Variants in MSRA observed in about 807,000 individuals in gnomAD.
MSRA encodes the protein mitochondrial peptide methionine sulfoxide reductase.
A neutral mutation model predicts 31.3 loss-of-function variants in MSRA; 54 were observed. The observed-to-expected ratio is 1.73, with a 90% CI of 1.39 to 2.17. The LOEUF (loss-of-function observed/expected upper bound fraction) is 2.17, where lower values mean the gene tolerates loss of function less well. MSRA is among the 30% of genes most tolerant of loss of function. The pLI is 0.00. For synonymous variants in MSRA, 169 were observed against 116.5 expected, an observed-to-expected ratio of 1.45 and a Z score of -2.90; for missense variants, 507 against 300.9, an observed-to-expected ratio of 1.69 and a Z score of -5.07.
chr8:10,220,252 T>G (rs1027600311), intron 2 of MSRA, among the ~76,000 whole-genome samples: 1 of 152,360 alleles, frequency 6.6e-6, no homozygotes, highest in Non-Finnish European at 1.5e-5. Context: ...CAAGTTTCCT[T>G]GCTGAGCTCA....
chr8:10,083,073 C>T (rs78019203), intron 1 of MSRA, among the ~76,000 whole-genome samples: 2,354 of 151,596 alleles, frequency 0.016, 24 homozygotes, highest in Non-Finnish European at 0.021. Context: ...CGTAACCATA[C>T]TTACATTCTT....
chr8:10,254,258 C>T (rs1798064913), intron 3 of MSRA, among the ~76,000 whole-genome samples: 2 of 152,216 alleles, frequency 1.3e-5, no homozygotes, highest in African/African-American at 4.8e-5. Flanking sequence ...CACCTACCCA[C>T]AACGTGTTTT....
intron 1 of MSRA, among the ~76,000 whole-genome samples, chr8:10,124,313 G>A (rs1055910340): frequency 2.0e-5 from 3 of 152,182 alleles, no homozygotes; most frequent in African/African-American, 7.2e-5. Flanking sequence ...AGTGAGTGTG[G>A]TATAATGGCA....
intron 3 of MSRA, among the ~76,000 whole-genome samples, chr8:10,292,321 A>T (rs1287521027): frequency 6.6e-6 from 1 of 152,194 alleles, no homozygotes; most frequent in African/African-American, 2.4e-5. Context: ...ATACGTCTTT[A>T]TTAACATCAC....
At chr8:10,394,369 C>A (rs1044962928) in intron 5 of MSRA, among the ~76,000 whole-genome samples, 2 of 152,206 alleles carry the variant, frequency 1.3e-5, no homozygotes, top group Non-Finnish European at 2.9e-5. Context: ...GTTCCCTAGC[C>A]ACCCCACCCC....
At chr8:10,251,873 G>GA (rs1797937025) in intron 3 of MSRA, among the ~76,000 whole-genome samples, 1 of 150,952 alleles carries the variant, frequency 6.6e-6, no homozygotes, top group Admixed American at 6.6e-5. Flanking sequence ...GGGGGGGGGG[G>GA]ACATAGGTCA....
intron 5 of MSRA, among the ~76,000 whole-genome samples, chr8:10,364,303 T>C (rs551912237): frequency 2.6e-5 from 4 of 152,320 alleles, no homozygotes; most frequent in Middle Eastern, 3.4e-3. Flanking sequence ...TGTTGCTGTT[T>C]TGCAGAATCA....
chr8:10,084,632 T>A (rs1350490702), intron 1 of MSRA, among the ~76,000 whole-genome samples: 18 of 152,204 alleles, frequency 1.2e-4, no homozygotes, highest in Admixed American at 1.1e-3. Flanking sequence ...TGCCTTAGTT[T>A]CCTAGGGTGA....
intron 3 of MSRA, among the ~76,000 whole-genome samples, chr8:10,297,041 G>A (rs1389791232): frequency 1.3e-5 from 2 of 152,184 alleles, no homozygotes; most frequent in African/African-American, 4.8e-5. Flanking sequence ...CCACGGATAG[G>A]AAGCTGTGCT....
rs201089511 is a variant in MSRA, at chr8:10,128,019, AGAG to A, written c.142+73365_142+73367del. ...ACCTGTGACCGTGGTGCATTTCCAG[AGAG>A]GAGAACTGCGGATCTTGTGCATTCT... On this transcript the variant is annotated intron_variant, in intron 1 of 5. Coordinates refer to ENST00000317173, the MANE Select transcript of MSRA (RefSeq NM_012331.5). 8.7e-3 allele frequency among the ~76,000 whole-genome samples: 1,331 copies of A among 152,200 alleles called. 65 individuals carry two copies. The highest frequency in any genetic ancestry group is 0.079 in the Admixed American group (1,213 of 15,276).
intron 5 of MSRA, among the ~76,000 whole-genome samples, chr8:10,341,887 C>T (rs778050224): frequency 2.0e-5 from 3 of 152,152 alleles, no homozygotes; most frequent in East Asian, 1.9e-4. Context: ...AGGCATGGCT[C>T]GGGACAGTGC....
chr8:10,296,641 T>A (rs1318806403), intron 3 of MSRA, among the ~76,000 whole-genome samples: 2 of 152,144 alleles, frequency 1.3e-5, no homozygotes, highest in Admixed American at 1.3e-4. Flanking sequence ...GAGACTTAAG[T>A]CCCATGTGCC....
chr8:10,097,461 C>T (rs1012779259), intron 1 of MSRA, among the ~76,000 whole-genome samples: 1 of 152,136 alleles, frequency 6.6e-6, no homozygotes, highest in Non-Finnish European at 1.5e-5. Flanking sequence ...CAGGATCATT[C>T]ATGCTTATAC....
intron 1 of MSRA, among the ~76,000 whole-genome samples, chr8:10,093,240 G>A (rs150704087): frequency 2.2e-4 from 33 of 152,086 alleles, no homozygotes; most frequent in South Asian, 4.2e-4. Flanking sequence ...TATATTCTAC[G>A]TATCTTTGTC....
At chr8:10,289,686 C>T (rs1241512546) in intron 3 of MSRA, among the ~76,000 whole-genome samples, 1 of 151,970 alleles carries the variant, frequency 6.6e-6, no homozygotes, top group Admixed American at 6.5e-5. Flanking sequence ...TTTCAAAGAC[C>T]CCTTCTATTA....
rs376156936 is a variant in MSRA at position 10,407,172 on chromosome 8, C to T, written c.544-20976C>T. On this transcript the variant is annotated intron_variant, in intron 5 of 5. Transcript: ENST00000317173. ...GAGTGTAGGCAGAAGCCACCATGCC[C>T]AGCCTAGACTATGTGACATTTTCTT... Among the ~76,000 whole-genome samples, 48 of 152,352 alleles carry T rather than the reference C, an allele frequency of 3.2e-4. No individual in the cohort carries two copies. In the South Asian group the frequency reaches 8.7e-3, roughly 28 times the overall value.
chr8:10,297,834 T>A (rs546921186), intron 3 of MSRA, among the ~76,000 whole-genome samples: 1 of 152,304 alleles, frequency 6.6e-6, no homozygotes, highest in African/African-American at 2.4e-5. Flanking sequence ...CGAGTGGAAA[T>A]CTTTCCTGAC....
At chr8:10,231,831 A>T (rs1051166172) in intron 2 of MSRA, among the ~76,000 whole-genome samples, 1 of 152,164 alleles carries the variant, frequency 6.6e-6, no homozygotes, top group Non-Finnish European at 1.5e-5. Context: ...TGAGCCTGGG[A>T]GGCAGAGGTT....
chr8:10,347,692 G>A (rs1028020895), intron 5 of MSRA, among the ~76,000 whole-genome samples: 4 of 152,204 alleles, frequency 2.6e-5, no homozygotes, highest in African/African-American at 7.2e-5. Context: ...CTGTGGCCTC[G>A]CATGTCTCAG....
Sources: allele counts gnomAD v4.1 joint callset (sites outside exome capture counted in the v4.1 genomes callset), GRCh38; gene constraint gnomAD v4.1.1; transcripts MANE v1.5; gene names NCBI Gene and HGNC (gene_info 2026-07-23, HGNC 2026-07-21).